Variants in CLUAP1 observed in about 807,000 individuals in gnomAD.
CLUAP1 encodes clusterin-associated protein 1.
CLUAP1 carries 50 observed loss-of-function variants against 55.0 expected under a neutral mutation model. That is an observed-to-expected ratio of 0.91 (90% CI 0.72 to 1.15). The LOEUF is 1.15. CLUAP1 is among the 50% of genes most tolerant of loss of function. CLUAP1 has a pLI of 0.00. For missense variants in CLUAP1, 530 were observed against 507.6 expected (o/e 1.04, Z -0.42); for synonymous variants, 195 against 175.4 (o/e 1.11, Z -0.88).
intron 1 of CLUAP1, among the ~76,000 whole-genome samples, chr16:3,503,710 C>T (rs1483515948): frequency 6.6e-6 from 1 of 152,170 alleles, no homozygotes; most frequent in Non-Finnish European, 1.5e-5. Flanking sequence ...CCCACCTCAG[C>T]CTGCTGAATA....
rs375848544 is a variant in CLUAP1, at chr16:3,536,219, A to G, written c.1190A>G (p.Asn397Ser). Residue 397 changes from asparagine (N) to serine (S), a missense_variant, in exon 12 of 12, where the codon AAT (asparagine) becomes AGT (serine). Coordinates refer to ENST00000576634, the MANE Select transcript of CLUAP1 (RefSeq NM_015041.3). ...ATTTCTCTCTCACCAACCAAGCCCA[A>G]TCGAAGGGTCCGGAAATCTGAACCC... Reference protein sequence around the residue: ...ESISLSPTKPNRRVRKSEPLD... With the variant: ...ESISLSPTKPSRRVRKSEPLD... The G allele has an allele frequency of 2.5e-5, 41 of 1,614,036 alleles. No homozygotes were observed. Among genetic ancestry groups the G allele is most frequent in the Non-Finnish European group, 3.0e-5 (35 of 1,180,036 alleles).
intron 5 of CLUAP1, among the ~76,000 whole-genome samples, chr16:3,513,527 A>G (rs1002363715): frequency 3.3e-5 from 5 of 151,842 alleles, no homozygotes; most frequent in Non-Finnish European, 2.9e-5. Context: ...TCGGCTCACT[A>G]AAACCTCCGC....
intron 1 of CLUAP1, among the ~76,000 whole-genome samples, chr16:3,502,700 A>C (rs1381572466): frequency 1.3e-5 from 2 of 152,180 alleles, no homozygotes; most frequent in Non-Finnish European, 2.9e-5. Flanking sequence ...TGGTGGCCAC[A>C]CATCATGCAG....
At chr16:3,535,712 T>C (rs1039250474) in intron 11 of CLUAP1, 5 of 173,378 alleles carry the variant, frequency 2.9e-5, no homozygotes, top group Admixed American at 2.3e-4. Context: ...TTGCTCCTTA[T>C]ACCAATGTCT....
intron 11 of CLUAP1, 118 bp from the exon 12 acceptor site, chr16:3,536,004 T>C: frequency 8.0e-7 from 1 of 1,246,730 alleles, no homozygotes; most frequent in Non-Finnish European, 1.1e-6. Context: ...CTTGCCACTC[T>C]GCCAGCCTCT....
Position 3,532,816 on chromosome 16 carries a change from T to C in CLUAP1, c.1067T>C (p.Met356Thr). Residue 356 changes from methionine (M) to threonine (T), a missense_variant, in exon 11 of 12, where the codon ATG (methionine) becomes ACG (threonine). Met to Thr is a moderately conservative substitution (Grantham distance 81). Coordinates refer to ENST00000576634, the MANE Select transcript of CLUAP1 (RefSeq NM_015041.3). ...CCTGGCAAACGCATTGTGGGCACGA[T>C]GCAAGGTGGAGACTCCGATGACAAT... ...GRPGKRIVGT[M>T]QGGDSDDNED... The C allele has an allele frequency of 6.2e-7, 1 of 1,614,174 alleles. No homozygotes were observed.
chr16:3,497,468 G>C (rs992435642), upstream of CLUAP1, among the ~76,000 whole-genome samples: 54 of 152,146 alleles, frequency 3.5e-4, no homozygotes, highest in Non-Finnish European at 7.1e-4. Flanking sequence ...ACTTAATATT[G>C]TTAAGATAGC....
At chr16:3,512,157 G>A (rs1396067374) in intron 4 of CLUAP1, among the ~76,000 whole-genome samples, 1 of 143,878 alleles carries the variant, frequency 7.0e-6, no homozygotes, top group Non-Finnish European at 1.5e-5. Flanking sequence ...TCACACTCCA[G>A]CCTAGGCAAC....
In CLUAP1 at chr16:3,532,892, C is replaced by G. The variant is rs752054851; in HGVS notation, c.1092+51C>G. ...TTCTGTGCACTCTGGGTTTGGCTGT[C>G]CCCATAGATGGGAGTGGCTGAGTTG... On this transcript the variant is annotated intron_variant, in intron 11 of 11. Transcript: ENST00000576634. 3.8e-6 allele frequency: 6 copies of G among 1,593,644 alleles called. No homozygotes were observed. The South Asian group carries it at 6.6e-5, about 18-fold the overall frequency.
Position 3,508,452 on chromosome 16 carries a change from T to C in CLUAP1, c.383T>C (p.Phe128Ser). 1.3e-6 allele frequency: 2 copies of C among 1,576,844 alleles called. No homozygotes were observed. Among genetic ancestry groups the C allele is most frequent in the South Asian group, 1.2e-5 (1 of 83,470 alleles). The change falls in exon 4 of 12, where the codon TTT becomes TCT. Residue 128 changes from phenylalanine (F) to serine (S), a missense_variant. Physicochemically the swap from Phe to Ser is radical, Grantham distance 155. Transcript: ENST00000576634. Reference protein sequence around the residue: ...IVEEDVNKFKFDLGSKIADLK... With the variant: ...IVEEDVNKFKSDLGSKIADLK... ...GAGGAAGATGTCAACAAGTTCAAGT[T>C]TGATCTTGGCTCAAAGGTAAGGACA...
At chr16:3,527,859 C>G (rs187119005) in intron 9 of CLUAP1, among the ~76,000 whole-genome samples, 4 of 152,156 alleles carry the variant, frequency 2.6e-5, no homozygotes, top group Non-Finnish European at 2.9e-5. Flanking sequence ...CCAGTGGATA[C>G]GTGACCCATG....
chr16:3,496,871 TTC>T (rs1055141524), upstream of CLUAP1: 3 of 290,630 alleles, frequency 1.0e-5, no homozygotes, highest in African/African-American at 4.7e-5. Flanking sequence ...TTTTTTTCTT[TTC>T]TTTTTTTTTT....
At chr16:3,530,751 T>G in intron 10 of CLUAP1, 76 bp downstream of exon 10, 1 of 1,140,972 alleles carries the variant, frequency 8.8e-7, no homozygotes, top group Non-Finnish European at 1.3e-6. Context: ...TGGGGCAGGC[T>G]GCTTAGTATT....
Position 3,536,308 on chromosome 16 carries a change from C to G in CLUAP1, c.*37C>G, listed in dbSNP as rs2038231351. On this transcript the variant is annotated 3_prime_UTR_variant, in exon 12 of 12. Transcript: ENST00000576634. The stretch of plus-strand genomic sequence containing the variant: ...AGGGACCCTGGCAGATTAAAACCCT[C>G]AGACTTGTAGGTAAATGGGAACTTA... 6.2e-7 allele frequency: 1 copy of G among 1,603,552 alleles called. No homozygotes were observed. The highest frequency in any genetic ancestry group is 8.5e-7 in the Non-Finnish European group (1 of 1,173,596).
chr16:3,525,983 G>A (rs555811393), intron 8 of CLUAP1, among the ~76,000 whole-genome samples: 52 of 152,286 alleles, frequency 3.4e-4, no homozygotes, highest in Middle Eastern at 3.4e-3. Flanking sequence ...TTTTGAGCTG[G>A]AATCTGAAGG....
intron 2 of CLUAP1, 92 bp downstream of exon 2, chr16:3,504,923 A>T (rs984616763): frequency 2.4e-6 from 2 of 825,216 alleles, no homozygotes; most frequent in Admixed American, 4.0e-5. Context: ...GATGCTGCAA[A>T]AGGGAAAGTT....
upstream of CLUAP1, chr16:3,496,582 G>A: frequency 5.6e-6 from 3 of 537,858 alleles, no homozygotes; most frequent in South Asian, 4.2e-5. Context: ...TCGATCAGCT[G>A]GCCCTGGACT....
intron 6 of CLUAP1, among the ~76,000 whole-genome samples, chr16:3,518,012 G>A (rs2037762016): frequency 6.6e-6 from 1 of 152,234 alleles, no homozygotes; most frequent in African/African-American, 2.4e-5. Flanking sequence ...GTTAGACGGT[G>A]GTAGTGTGTT....
At position 3,501,088 on chromosome 16, in the gene CLUAP1, C is replaced by T. The variant is rs1484009022; in HGVS notation, c.21C>T (p.Arg7=). 1.3e-6 allele frequency: 2 copies of T among 1,595,190 alleles called. No homozygotes were observed. Among genetic ancestry groups the T allele is most frequent in the Admixed American group, 3.4e-5 (2 of 59,166 alleles). The change falls in exon 1 of 12, where the codon CGC becomes CGT. Residue 7 remains arginine (R), a splice_region_variant and synonymous_variant. Transcript: ENST00000576634. ...GCGTTATGTCTTTCCGCGACCTCCG[C>T]AGTAAGGCAGCCCCGCGCCCCTGTG... MSFRDL[R]NFTEMMRALG...
Sources: gnomAD v4.1 joint callset for allele counts (sites outside exome capture counted in the v4.1 genomes callset) on GRCh38, gnomAD v4.1.1 for gene constraint, MANE v1.5 for transcripts, NCBI Gene and HGNC (gene_info 2026-07-23, HGNC 2026-07-21) for gene names.